The following FAM107B variants were observed in gnomAD, a reference collection of about 807,000 sequenced individuals.
FAM107B encodes protein FAM107B.
FAM107B carries 21 observed loss-of-function variants against 31.5 expected under a neutral mutation model. The observed-to-expected ratio is 0.67, with a 90% CI of 0.47 to 0.96. The LOEUF (loss-of-function observed/expected upper bound fraction) is 0.96, where lower values mean the gene tolerates loss of function less well. FAM107B is among the 40% of genes least tolerant of loss of function. The probability of loss-of-function intolerance (pLI) is 0.00; values close to 1 mark genes in which losing one functional copy is unlikely to be tolerated. For missense variants in FAM107B, 452 were observed against 377.1 expected (o/e 1.20, Z -1.64); for synonymous variants, 157 against 141.5 (o/e 1.11, Z -0.78).
intron 2 of FAM107B, among the ~76,000 whole-genome samples, chr10:14,598,140 T>C (rs1852248371): frequency 6.6e-6 from 1 of 152,174 alleles, no homozygotes; most frequent in Non-Finnish European, 1.5e-5. Context: ...TTTCACTCCG[T>C]TGACTGTTTC....
intron 1 of FAM107B, among the ~76,000 whole-genome samples, chr10:14,703,757 C>A (rs1855457992): frequency 6.6e-6 from 1 of 152,202 alleles, no homozygotes; most frequent in Non-Finnish European, 1.5e-5. Context: ...CTTTAGCAAT[C>A]AGTCAGGAAA....
In FAM107B at chr10:14,774,562, C is replaced by T. The variant is rs752833314; in HGVS notation, c.102G>A (p.Thr34=). The part of the protein sequence containing the change: ...CSALLACFGN[T]RESASFNQSG... ...ACTGATTGAAGGAAGCACTCTCCCT[C>T]GTATTCCCAAAACAGGCGAGCAGAG... Residue 34 remains threonine (T), a synonymous_variant, in exon 1 of 5, where the codon ACG becomes ACA. Coordinates refer to ENST00000181796, the MANE Select transcript of FAM107B (RefSeq NM_031453.4). 2.5e-6 allele frequency: 4 copies of T among 1,614,204 alleles called. No individual in the cohort carries two copies. The highest frequency in any genetic ancestry group is 2.2e-5 in the East Asian group (1 of 44,884).
intron 1 of FAM107B, among the ~76,000 whole-genome samples, chr10:14,765,121 A>G (rs949876467): frequency 7.9e-5 from 12 of 152,308 alleles, no homozygotes; most frequent in Non-Finnish European, 1.6e-4. Context: ...CTCTCCCCCA[A>G]TATATCAATA....
At chr10:14,613,113 A>G (rs1852765155) in intron 2 of FAM107B, among the ~76,000 whole-genome samples, 1 of 152,104 alleles carries the variant, frequency 6.6e-6, no homozygotes, top group Admixed American at 6.5e-5. Flanking sequence ...CTAGGATGAC[A>G]AGCGTGCACC....
chr10:14,601,182 A>G (rs1039158506), intron 2 of FAM107B, among the ~76,000 whole-genome samples: 2 of 152,170 alleles, frequency 1.3e-5, no homozygotes, highest in Non-Finnish European at 2.9e-5. Context: ...ATGACAAGCA[A>G]AGCCTCCCCC....
intron 1 of FAM107B, among the ~76,000 whole-genome samples, chr10:14,703,296 T>G (rs1471066307): frequency 6.6e-6 from 1 of 152,042 alleles, no homozygotes; most frequent in Non-Finnish European, 1.5e-5. Flanking sequence ...CTACAAAGTC[T>G]TCCTAAGTTT....
intron 1 of FAM107B, among the ~76,000 whole-genome samples, chr10:14,767,779 T>A (rs1271026048): frequency 6.6e-6 from 1 of 152,198 alleles, no homozygotes; most frequent in African/African-American, 2.4e-5. Context: ...GATGCTTACT[T>A]TGCCACTTCT....
rs184442179 is a variant in FAM107B, at chr10:14,723,140, G to A, written c.411+51113C>T. ...TATTTTCCATCAGACTTGTGTCCAC[G>A]TTGCTTAAGAGCCAGTACAAGAACA... On this transcript the variant is annotated intron_variant, in intron 1 of 4. Transcript: ENST00000181796. 267 of 445,992 alleles carry A rather than the reference G, an allele frequency of 6.0e-4. No individual in the cohort carries two copies. The East Asian group carries it at 9.0e-3, about 15-fold the overall frequency. 27.6% of individuals were successfully genotyped at this position (445,992 alleles called of 1,614,324 possible).
At chr10:14,640,554 G>A (rs545683489) in intron 2 of FAM107B, among the ~76,000 whole-genome samples, 74 of 152,322 alleles carry the variant, frequency 4.9e-4, no homozygotes, top group African/African-American at 1.7e-3. Flanking sequence ...TGACCTAGCT[G>A]AGGGGCAAAT....
intron 1 of FAM107B, among the ~76,000 whole-genome samples, chr10:14,705,267 A>G (rs1161267978): frequency 6.6e-6 from 1 of 152,154 alleles, no homozygotes; most frequent in Non-Finnish European, 1.5e-5. Flanking sequence ...TGCTGGGGGA[A>G]CTGTAATGGT....
chr10:14,577,910 T>C (rs985020667), intron 2 of FAM107B, among the ~76,000 whole-genome samples: 1 of 152,098 alleles, frequency 6.6e-6, no homozygotes, highest in East Asian at 1.9e-4. Flanking sequence ...AGGAAATACA[T>C]TGAGTTACAC....
In FAM107B at chr10:14,519,050, C is replaced by T. The variant is rs185867188; in HGVS notation, c.*2140G>A. 1 of 152,440 alleles carries T rather than the reference C, an allele frequency of 6.6e-6. No individual in the cohort carries two copies. Among genetic ancestry groups the T allele is most frequent in the Non-Finnish European group, 1.5e-5 (1 of 68,044 alleles). The allele number at this position is 152,440 out of a possible 1,614,324, so 9.4% of individuals were successfully genotyped here. A position where few individuals can be genotyped will look rare whatever the true frequency, so the allele number is the denominator to read the frequency against. On this transcript the variant is annotated 3_prime_UTR_variant, in exon 5 of 5. Transcript: ENST00000181796. ...ACATTCCACCGTTTAGCATAAGACA[C>T]CACTTTACGCTATTTACAAGTCTCC... is the stretch of plus-strand genomic sequence containing the variant.
intron 2 of FAM107B, among the ~76,000 whole-genome samples, chr10:14,536,323 GA>G (rs1847600290): frequency 6.6e-6 from 1 of 152,186 alleles, no homozygotes; most frequent in Admixed American, 6.5e-5. Context: ...ACAACCTTTT[GA>G]ACTGCTAAAA....
At chr10:14,687,427 T>C (rs1246925004) in intron 1 of FAM107B, among the ~76,000 whole-genome samples, 1 of 152,052 alleles carries the variant, frequency 6.6e-6, no homozygotes, top group Non-Finnish European at 1.5e-5. Context: ...ATCATAAAGG[T>C]CAGTATGTAT....
intron 1 of FAM107B, among the ~76,000 whole-genome samples, chr10:14,681,055 G>A (rs984401177): frequency 6.6e-6 from 1 of 152,210 alleles, no homozygotes; most frequent in Admixed American, 6.5e-5. Context: ...CCTTCACTGT[G>A]TAGAATGCTA....
intron 2 of FAM107B, among the ~76,000 whole-genome samples, chr10:14,560,700 T>C (rs1026840208): frequency 6.6e-6 from 1 of 152,210 alleles, no homozygotes; most frequent in Non-Finnish European, 1.5e-5. Context: ...GCCATCAACA[T>C]TGATTCAGCC....
intron 1 of FAM107B, among the ~76,000 whole-genome samples, chr10:14,732,227 G>A (rs1452807138): frequency 2.6e-5 from 4 of 152,092 alleles, no homozygotes; most frequent in Admixed American, 6.5e-5. Context: ...AGACATCATC[G>A]TTCAGCAAGT....
chr10:14,616,884 A>G (rs1852866570), intron 2 of FAM107B, among the ~76,000 whole-genome samples: 1 of 152,118 alleles, frequency 6.6e-6, no homozygotes, highest in South Asian at 2.1e-4. Context: ...GTGCCGCTGT[A>G]CTCCAGCCTG....
chr10:14,720,604 C>G (rs1404733899), intron 1 of FAM107B, among the ~76,000 whole-genome samples: 3 of 152,128 alleles, frequency 2.0e-5, no homozygotes, highest in African/African-American at 7.2e-5. Flanking sequence ...GCTTTATCAG[C>G]TCCAATTCAT....
Sources: gnomAD v4.1 joint callset for allele counts (sites outside exome capture counted in the v4.1 genomes callset) on GRCh38, gnomAD v4.1.1 for gene constraint, MANE v1.5 for transcripts, NCBI Gene and HGNC (gene_info 2026-07-23, HGNC 2026-07-21) for gene names.